The following NCOR2 variants were observed in gnomAD, a reference collection of about 807,000 sequenced individuals.
NCOR2 encodes CTG repeat protein 26.
In NCOR2, 81 loss-of-function variants were observed where a neutral mutation model predicts 262.9. That is an observed-to-expected ratio of 0.31 (90% CI 0.26 to 0.37). The LOEUF (loss-of-function observed/expected upper bound fraction) is 0.37, where lower values mean the gene tolerates loss of function less well. Ranked by LOEUF, NCOR2 falls within the 10% of genes least tolerant of loss-of-function variation. NCOR2 has a pLI of 1.00. For synonymous variants in NCOR2, 1,659 were observed against 1,559.3 expected, an observed-to-expected ratio of 1.06 and a Z score of -1.51; for missense variants, 3,385 against 3,621.4, an observed-to-expected ratio of 0.93 and a Z score of 1.68.
chr12:124,445,888 G>A (rs548868917), intron 7 of NCOR2, among the ~76,000 whole-genome samples: 72 of 152,342 alleles, frequency 4.7e-4, no homozygotes, highest in Admixed American at 4.0e-3. Context: ...TGTGCTGTAC[G>A]TGCTGAGCAC....
rs1323136389 is a variant in NCOR2, at chr12:124,457,470, C to T, written c.706-308G>A. Reference sequence around the variant, plus strand: ...GCCTCGCTCCCCCAGGGCCCAGCGACGTGGGCACCGCTCCCCACCAGCCCA... The same window carrying T: ...GCCTCGCTCCCCCAGGGCCCAGCGATGTGGGCACCGCTCCCCACCAGCCCA... On this transcript the variant is annotated intron_variant, in intron 5 of 46. Coordinates refer to ENST00000405201, the Ensembl canonical transcript of NCOR2. This position sits in a 1 kb window ranked among gnomAD's most constrained non-coding sequence, Gnocchi z 4.0. Among the ~76,000 whole-genome samples the T allele has an allele frequency of 2.0e-5, 3 of 152,260 alleles. No individual in the cohort carries two copies.
intron 2 of NCOR2, 169 bp downstream of exon 4, chr12:124,486,272 C>A: frequency 9.4e-7 from 1 of 1,068,418 alleles, no homozygotes; most frequent in South Asian, 1.6e-5. Context: ...CCTGCTCGTC[C>A]CATCCTCACC....
At chr12:124,400,473 C>A in intron 15 of NCOR2, 28 bp downstream of exon 17, 1 of 1,604,238 alleles carries the variant, frequency 6.2e-7, no homozygotes. Flanking sequence ...AGCCCCTTCC[C>A]CACCCGCATC....
intron 6 of NCOR2, among the ~76,000 whole-genome samples, chr12:124,456,175 G>A (rs1161605717): frequency 2.0e-5 from 3 of 152,218 alleles, no homozygotes; most frequent in Non-Finnish European, 4.4e-5. Context: ...TACACATGGC[G>A]AAGGCATAAG....
Position 124,333,831 on chromosome 12 carries a change from C to T in NCOR2, c.6606-552G>A, listed in dbSNP as rs367596925. ...ATGTGCCTGTGTCTACAGGGGTGTGCGGGTGCGCCTGTGTGCGGGTGTGCA... is the reference window on the plus strand; with the variant it reads ...ATGTGCCTGTGTCTACAGGGGTGTGTGGGTGCGCCTGTGTGCGGGTGTGCA... On this transcript the variant is annotated intron_variant, in intron 41 of 46. Coordinates refer to ENST00000405201, the Ensembl canonical transcript of NCOR2. 8.6e-4 allele frequency among the ~76,000 whole-genome samples: 125 copies of T among 145,816 alleles called. 2 individuals carry two copies. The South Asian group carries it at 0.017, about 20-fold the overall frequency.
chr12:124,330,790 G>T, intron 44 of NCOR2, 55 bp downstream of exon 46: 1 of 1,530,298 alleles, frequency 6.5e-7, no homozygotes, highest in Non-Finnish European at 8.9e-7. Flanking sequence ...GAGCAGGGGT[G>T]GGGAGGGAGC....
At chr12:124,388,596 T>C in intron 16 of NCOR2, 1 of 1,261,112 alleles carries the variant, frequency 7.9e-7, no homozygotes, top group Non-Finnish European at 1.0e-6. Flanking sequence ...ACTCCCCAGC[T>C]GCCCAGCCTC....
chr12:124,330,999 G>A, intron 43 of NCOR2, 101 bp from the exon 46 acceptor site: 4 of 1,277,734 alleles, frequency 3.1e-6, no homozygotes, highest in Non-Finnish European at 4.4e-6. Flanking sequence ...GCATCACCTG[G>A]GGAAACTTGT....
chr12:124,333,084 G>A (rs374506609), intron 42 of NCOR2, 46 bp downstream of exon 44: 7 of 1,551,530 alleles, frequency 4.5e-6, no homozygotes, highest in Non-Finnish European at 6.1e-6. Flanking sequence ...GATGGGCAAG[G>A]GATACCAGAG....
At chr12:124,565,533 C>T (rs1235434497) in intron 1 of NCOR2, among the ~76,000 whole-genome samples, 2 of 151,680 alleles carry the variant, frequency 1.3e-5, no homozygotes, top group African/African-American at 2.4e-5. Flanking sequence ...AGGCCCCCTC[C>T]CTCCCCCAGA....
chr12:124,527,130 A>C lies in NCOR2; in HGVS notation c.-118+8435T>G, dbSNP rs147428598. On this transcript the variant is annotated intron_variant, in intron 1 of 46. Transcript: ENST00000404621. ...GAGATCTTTTCAGCAGTGAAACCTC[A>C]GGAGGCCTCAGGCCATCCTGATTCA... Among the ~76,000 whole-genome samples the C allele has an allele frequency of 8.7e-3, 1,333 of 152,354 alleles. 21 individuals carry two copies. The highest frequency in any genetic ancestry group is 0.03 in the African/African-American group (1,242 of 41,572).
rs1292042475 is a variant in NCOR2, at chr12:124,483,124, G to T, written c.411+472C>A. On this transcript the variant is annotated intron_variant, in intron 3 of 46. Coordinates refer to ENST00000405201, the Ensembl canonical transcript of NCOR2. This position sits in a 1 kb window ranked among gnomAD's most constrained non-coding sequence, Gnocchi z 6.3. The stretch of plus-strand genomic sequence containing the variant: ...GGCTGCCTGCTGTGCAGGGCTCGAG[G>T]CAGGGGTCACTGAGCCCCCTGTTCC... Among the ~76,000 whole-genome samples, 3 of 152,064 alleles carry T rather than the reference G, an allele frequency of 2.0e-5. No individual in the cohort carries two copies. In the East Asian group the frequency reaches 5.8e-4, roughly 29 times the overall value.
chr12:124,430,582 A>C (rs1344840381), intron 9 of NCOR2, 33 bp downstream of exon 11: 15 of 1,577,130 alleles, frequency 9.5e-6, no homozygotes, highest in Non-Finnish European at 1.3e-5. Flanking sequence ...CCGGGCCCTG[A>C]CGTCGGGGGC....
intron 17 of NCOR2, among the ~76,000 whole-genome samples, chr12:124,380,135 C>T (rs868763738): frequency 2.0e-5 from 3 of 152,238 alleles, no homozygotes; most frequent in African/African-American, 4.8e-5. Flanking sequence ...AAGCTGCTGA[C>T]GTCCAGACCA....
intron 1 of NCOR2, among the ~76,000 whole-genome samples, chr12:124,543,607 C>T (rs1328883798): frequency 6.6e-6 from 1 of 152,196 alleles, no homozygotes; most frequent in Non-Finnish European, 1.5e-5. Flanking sequence ...CTCCTCGCTG[C>T]GGGGTGTGGG....
chr12:124,565,147 G>C (rs984563379), intron 1 of NCOR2, among the ~76,000 whole-genome samples: 4 of 152,164 alleles, frequency 2.6e-5, no homozygotes, highest in African/African-American at 9.7e-5. Context: ...ACCAGGGCCT[G>C]ACAGCCACAT....
chr12:124,396,773 G>A (rs891101398), intron 16 of NCOR2, among the ~76,000 whole-genome samples: 1 of 152,124 alleles, frequency 6.6e-6, no homozygotes, highest in Non-Finnish European at 1.5e-5. Flanking sequence ...GGGCTGTGGG[G>A]ACCCTCAGCA....
chr12:124,466,305 C>T lies in NCOR2; in HGVS notation c.592-19G>A, dbSNP rs185219012. 3.4e-4 allele frequency: 547 copies of T among 1,598,466 alleles called. 2 individuals are homozygous for T. In the African/African-American group the frequency reaches 5.8e-3, roughly 17 times the overall value. On this transcript the variant is annotated intron_variant, in intron 4 of 46. Transcript: ENST00000405201. ...GCTGTTGCTGTGGGGAGAGGCAGAA[C>T]GTGAGGGATGAGCACCCCAGCGGGC... is the stretch of plus-strand genomic sequence containing the variant.
intron 16 of NCOR2, among the ~76,000 whole-genome samples, chr12:124,387,388 G>A (rs191436191): frequency 6.6e-6 from 1 of 152,328 alleles, no homozygotes; most frequent in East Asian, 1.9e-4. Context: ...ACTTGGTTCC[G>A]TCTCATCCTT....
Sources: gnomAD v4.1 joint callset for allele counts (sites outside exome capture counted in the v4.1 genomes callset) on GRCh38, gnomAD v4.1.1 for gene constraint, Gnocchi (gnomAD v3.1) non-coding constraint, MANE v1.5 for transcripts, NCBI Gene and HGNC (gene_info 2026-07-23, HGNC 2026-07-21) for gene names.